The following FCGR1A variants were observed in gnomAD, a reference collection of about 807,000 sequenced individuals.
The protein encoded by FCGR1A is Fc gamma receptor Ia, also known as high affinity immunoglobulin gamma Fc receptor I.
A neutral mutation model predicts 35.0 loss-of-function variants in FCGR1A; 13 were observed. That is an observed-to-expected ratio of 0.37 (90% CI 0.24 to 0.59). The LOEUF (loss-of-function observed/expected upper bound fraction) is 0.59, where lower values mean the gene tolerates loss of function less well. Among genes scored for constraint, FCGR1A ranks in the 20% least tolerant of loss-of-function variants. The probability of loss-of-function intolerance (pLI) is 0.71; values close to 1 mark genes in which losing one functional copy is unlikely to be tolerated. For missense variants in FCGR1A, 227 were observed against 430.0 expected (o/e 0.53, Z 4.17); for synonymous variants, 91 against 164.7 (o/e 0.55, Z 3.43).
rs781855250 is a variant in FCGR1A, at chr1:149,789,393, A to AAATAATAATAATAATAATAAT, written c.560-654_560-634dup. On this transcript the variant is annotated intron_variant, in intron 4 of 5. Transcript: ENST00000369168. ...GGGCAACAGAGCGAGACTACGTCTC[A>AAATAATAATAATAATAATAAT]AATAATAATAATAATAATAATAATA... Among the ~76,000 whole-genome samples, 720 of 148,688 alleles carry AAATAATAATAATAATAATAAT rather than the reference A, an allele frequency of 4.8e-3. 2 individuals carry two copies. The highest frequency in any genetic ancestry group is 7.5e-3 in the Non-Finnish European group (504 of 67,408).
chr1:149,788,244 A>G, intron 3 of FCGR1A, 122 bp from the exon 4 acceptor site: 2 of 1,607,226 alleles, frequency 1.2e-6, no homozygotes, highest in Admixed American at 3.4e-5. Flanking sequence ...TAGGCCTGAG[A>G]TTTGGCAGAG....
chr1:149,783,028 C>T, intron 1 of FCGR1A, 142 bp from the exon 2 acceptor site: 1 of 461,080 alleles, frequency 2.2e-6, no homozygotes, highest in Non-Finnish European at 3.9e-6. Flanking sequence ...TCTGTTAGTA[C>T]TGGATTTTGA....
chr1:149,800,145 G>A, the FCGR1A span, among the ~76,000 whole-genome samples: 3 of 152,016 alleles, frequency 2.0e-5, no homozygotes, highest in Admixed American at 2.0e-4. Context: ...AGAAACACTT[G>A]GGTTTACTGG....
At chr1:149,799,692 G>A in the FCGR1A span, among the ~76,000 whole-genome samples, 1 of 152,112 alleles carries the variant, frequency 6.6e-6, no homozygotes, top group South Asian at 2.1e-4. Context: ...CCTGTTACAT[G>A]AGTTTGGAAC....
chr1:149,789,989 G>A (rs2091661382), intron 4 of FCGR1A, 65 bp from the exon 5 acceptor site: 15 of 1,613,120 alleles, frequency 9.3e-6, no homozygotes, highest in Non-Finnish European at 9.3e-6. Context: ...TAAAGGGCAT[G>A]TCTTTTGTGA....
downstream of FCGR1A, among the ~76,000 whole-genome samples, chr1:149,793,444 A>G (rs1477024847): frequency 9.2e-5 from 14 of 152,038 alleles, no homozygotes; most frequent in African/African-American, 2.7e-4. Flanking sequence ...AGCTTCACCC[A>G]CAAGGGCCCA....
chr1:149,793,162 T>C (rs2091755788), downstream of FCGR1A: 1 of 1,279,340 alleles, frequency 7.8e-7, no homozygotes, highest in African/African-American at 1.6e-5. Flanking sequence ...GATTGGTAGA[T>C]CACAGGAAAC....
At chr1:149,788,643 C>T in intron 4 of FCGR1A, 26 bp downstream of exon 4, 4 of 1,613,818 alleles carry the variant, frequency 2.5e-6, no homozygotes, top group Admixed American at 1.7e-5. Flanking sequence ...AGTCATAGAA[C>T]TGATAGTCCC....
rs199635929 is a variant in FCGR1A at position 149,782,720 on chromosome 1, T to C, written c.-24T>C. Reference sequence around the variant, plus strand: ...ATATCTTGCATGTTACAGATTTCACTGCTCCCACCAGCTTGGAGACAACAT... The same window carrying C: ...ATATCTTGCATGTTACAGATTTCACCGCTCCCACCAGCTTGGAGACAACAT... On this transcript the variant is annotated 5_prime_UTR_variant, in exon 1 of 6. Coordinates refer to ENST00000369168, the MANE Select transcript of FCGR1A (RefSeq NM_000566.4). 13,988 of 1,590,740 alleles carry C rather than the reference T, an allele frequency of 8.8e-3. 871 individuals carry two copies. In the Admixed American group the frequency reaches 0.12, roughly 14 times the overall value.
chr1:149,792,809 G>C, downstream of FCGR1A: 1 of 1,279,688 alleles, frequency 7.8e-7, no homozygotes, highest in Non-Finnish European at 1.0e-6. Context: ...GTAGGAGTCG[G>C]TGGGCAGCAA....
downstream of FCGR1A, chr1:149,792,873 CCGAGT>C (rs371458276): frequency 0.08 from 100,558 of 1,263,080 alleles, 9,843 homozygotes; most frequent in East Asian, 0.41. Flanking sequence ...TCCCATTCGC[CCGAGT>C]CAAGGGGCGG....
At chr1:149,786,216 T>C (rs1342635872) in intron 3 of FCGR1A, 1 of 152,210 alleles carries the variant, frequency 6.6e-6, no homozygotes, top group Non-Finnish European at 1.5e-5. Flanking sequence ...ATATTGACCA[T>C]TTTTCACGTT....
the FCGR1A span, among the ~76,000 whole-genome samples, chr1:149,797,260 T>C: frequency 6.6e-6 from 1 of 152,198 alleles, no homozygotes; most frequent in Non-Finnish European, 1.5e-5. Context: ...TTTCTGTTTC[T>C]CTTATTCTTT....
the FCGR1A span, among the ~76,000 whole-genome samples, chr1:149,799,782 T>C: frequency 2.6e-5 from 4 of 152,222 alleles, no homozygotes; most frequent in African/African-American, 9.6e-5. Flanking sequence ...TGGAGGAATT[T>C]CTGGCTTATC....
At chr1:149,792,669 C>A (rs1204798706), downstream of FCGR1A, 2 of 1,278,302 alleles carry the variant, frequency 1.6e-6, no homozygotes, top group East Asian at 1.1e-4. Context: ...GGGCCGCAGC[C>A]GCCAGCGCCC....
chr1:149,786,947 T>C (rs1553750908), intron 3 of FCGR1A: 1 of 152,188 alleles, frequency 6.6e-6, no homozygotes, highest in Admixed American at 6.5e-5. Context: ...CATGTGTGTT[T>C]GAAAAGCATA....
At chr1:149,792,641 G>A, downstream of FCGR1A, 1 of 1,271,230 alleles carries the variant, frequency 7.9e-7, no homozygotes, top group Non-Finnish European at 1.0e-6. Flanking sequence ...GCATATTGCA[G>A]CCTCCGCCTG....
intron 3 of FCGR1A, among the ~76,000 whole-genome samples, chr1:149,785,206 A>T (rs2091508775): frequency 1.3e-5 from 2 of 152,302 alleles, no homozygotes; most frequent in Middle Eastern, 6.8e-3. Context: ...AAACTTCGTT[A>T]AAAATGATAA....
chr1:149,793,992 A>C (rs61807537), downstream of FCGR1A: 21,652 of 885,650 alleles, frequency 0.024, 359 homozygotes, highest in Non-Finnish European at 0.03. Context: ...TCCAGCCCTG[A>C]GAACCAGACA....
Sources: allele counts gnomAD v4.1 joint callset (sites outside exome capture counted in the v4.1 genomes callset), GRCh38; gene constraint gnomAD v4.1.1; transcripts MANE v1.5; gene names NCBI Gene and HGNC (gene_info 2026-07-23, HGNC 2026-07-21).